COX15: variants seen among roughly 807,000 people sequenced by gnomAD.
The protein encoded by COX15 is cytochrome c oxidase assembly factor COX15.
COX15 carries 51 observed loss-of-function variants against 51.9 expected under a neutral mutation model. The observed-to-expected ratio is 0.98, with a 90% CI of 0.78 to 1.24. The LOEUF is 1.24. Ranked by LOEUF, COX15 falls within the 50% of genes most tolerant of loss-of-function variation. COX15 has a pLI of 0.00. For synonymous variants in COX15, 188 were observed against 190.5 expected (o/e 0.99, Z 0.11); for missense variants, 420 against 501.1 (o/e 0.84, Z 1.55).
chr10:99,724,953 C>T (rs549360479), intron 4 of COX15, among the ~76,000 whole-genome samples: 4 of 152,304 alleles, frequency 2.6e-5, no homozygotes, highest in African/African-American at 4.8e-5. Context: ...AGCAAAACCA[C>T]AGTTTATGGG....
At chr10:99,724,188 TTTG>T (rs1417717009) in intron 4 of COX15, 65 bp from the exon 5 acceptor site, 6 of 1,594,466 alleles carry the variant, frequency 3.8e-6, no homozygotes, top group Admixed American at 1.7e-5. Context: ...CTTTCTTTTT[TTTG>T]TTGTTTTTTT....
the COX15 span, chr10:99,696,175 A>G: frequency 6.3e-7 from 1 of 1,588,264 alleles, no homozygotes; most frequent in Admixed American, 1.7e-5. Flanking sequence ...GGCTGCAGAT[A>G]TTAGGGAGAA....
chr10:99,709,640 A>G (rs1268698897), downstream of COX15: 20 of 985,264 alleles, frequency 2.0e-5, no homozygotes, highest in Non-Finnish European at 2.4e-5. Context: ...ACCTGGATCT[A>G]AGTTGGAAAG....
Position 99,727,568 on chromosome 10 carries a change from G to T in COX15, c.273-5C>A. 1 of 1,613,110 alleles carries T rather than the reference G, an allele frequency of 6.2e-7. No homozygotes were observed. Among genetic ancestry groups the T allele is most frequent in the East Asian group, 2.2e-5 (1 of 44,860 alleles). On this transcript the variant is annotated splice_region_variant and splice_polypyrimidine_tract_variant and intron_variant, in intron 2 of 8. Coordinates refer to ENST00000016171, the MANE Select transcript of COX15 (RefSeq NM_078470.6). ...GAGAGGCCAGACTCTGTCAACCTTA[G>T]GATAGGAAAGAAATTTTGGGGTGTA...
In COX15 at chr10:99,727,549, C is replaced by A. The variant is rs771992107; in HGVS notation, c.287G>T (p.Gly96Val). 2.3e-5 allele frequency: 37 copies of A among 1,613,636 alleles called. No homozygotes were observed. The highest frequency in any genetic ancestry group is 3.0e-5 in the Non-Finnish European group (35 of 1,180,006). ...LGGVTRLTES[G>V]LSMVDWHLIK... The stretch of plus-strand genomic sequence containing the variant: ...TAAATGCCAATCTACCATCGAGAGG[C>A]CAGACTCTGTCAACCTTAGGATAGG... The change falls in exon 3 of 9, where the codon GGC becomes GTC. Residue 96 changes from glycine to valine, a missense_variant. By Grantham distance (109) the Gly-to-Val change is moderately radical (BLOSUM62 -3). Coordinates refer to ENST00000016171, the MANE Select transcript of COX15 (RefSeq NM_078470.6).
intron 7 of COX15, 110 bp downstream of exon 7, chr10:99,718,236 A>C (rs1411137349): frequency 9.1e-6 from 10 of 1,104,372 alleles, no homozygotes; most frequent in South Asian, 1.3e-5. Flanking sequence ...AGAGCAGGAA[A>C]TATAGTTCCT....
chr10:99,704,695 G>A, the COX15 span: 1 of 1,608,272 alleles, frequency 6.2e-7, no homozygotes, highest in Non-Finnish European at 8.5e-7. Flanking sequence ...GCTGGACCAG[G>A]ACTAGAGAAG....
chr10:99,731,886 T>G, intron 1 of COX15, 74 bp downstream of exon 1: 1 of 1,540,814 alleles, frequency 6.5e-7, no homozygotes, highest in Non-Finnish European at 8.8e-7. Context: ...GATGTGGGGC[T>G]CTACATTATC....
chr10:99,712,000 A>G lies in COX15; in HGVS notation c.*2587T>C, dbSNP rs936524124. On this transcript the variant is annotated 3_prime_UTR_variant, in exon 9 of 9. Coordinates refer to ENST00000016171, the MANE Select transcript of COX15 (RefSeq NM_078470.6). ...AGTGTGTCACATGGTGAGAGAGAGC[A>G]AGCGAGAGAGGAGGAAGTTCCAGGC... is the stretch of plus-strand genomic sequence containing the variant. The G allele has an allele frequency of 2.0e-4, 59 of 295,414 alleles. No individual in the cohort carries two copies. The highest frequency in any genetic ancestry group is 1.3e-3 in the African/African-American group (57 of 44,058). The allele number at this position is 295,414 out of a possible 1,614,324, so 18.3% of individuals were successfully genotyped here. A position where few individuals can be genotyped will look rare whatever the true frequency, so the allele number is the denominator to read the frequency against.
At chr10:99,728,214 A>G (rs2037024866) in intron 2 of COX15, among the ~76,000 whole-genome samples, 1 of 152,208 alleles carries the variant, frequency 6.6e-6, no homozygotes, top group African/African-American at 2.4e-5. Context: ...ATCAAAGGTA[A>G]TTAGGGCCCT....
chr10:99,727,665 AAC>A, intron 2 of COX15, 102 bp from the exon 3 acceptor site: 1 of 1,367,020 alleles, frequency 7.3e-7, no homozygotes, highest in East Asian at 2.3e-5. Context: ...GTTAAAGGTA[AAC>A]ACATTGTTTC....
chr10:99,713,554 T>C lies in COX15; in HGVS notation c.*1033A>G. The C allele has an allele frequency of 2.6e-6, 4 of 1,553,264 alleles. No individual in the cohort carries two copies. Among genetic ancestry groups the C allele is most frequent in the Non-Finnish European group, 2.6e-6 (3 of 1,148,600 alleles). On this transcript the variant is annotated 3_prime_UTR_variant, in exon 9 of 9. Transcript: ENST00000016171. ...ATTTGTTTATCTGGGTAGATGTCCA[T>C]GCACTACACCATCAAGGCCATATTT...
chr10:99,730,787 G>C (rs1286995992), intron 1 of COX15, among the ~76,000 whole-genome samples: 1 of 152,170 alleles, frequency 6.6e-6, no homozygotes, highest in African/African-American at 2.4e-5. Context: ...GGGGCCAGGT[G>C]CAACGGCTCA....
chr10:99,698,537 G>C, the COX15 span: 429 of 1,612,510 alleles, frequency 2.7e-4, 2 homozygotes, highest in African/African-American at 5.1e-3. Flanking sequence ...GTGGCAGATT[G>C]CTTGGTCAGA....
chr10:99,704,319 T>C, the COX15 span: 2 of 863,836 alleles, frequency 2.3e-6, no homozygotes, highest in Non-Finnish European at 3.6e-6. Flanking sequence ...GCCTGCTCTG[T>C]GGAGCTGGTG....
At position 99,713,735 on chromosome 10, in the gene COX15, C is replaced by T. The variant is rs2036472882; in HGVS notation, c.*852G>A. On this transcript the variant is annotated 3_prime_UTR_variant, in exon 9 of 9. Transcript: ENST00000016171. ...CTGTAATCTCAGCACTTTGGGAAGC[C>T]GAGATGGGCGGATTACCTGAGGTCA... 2.3e-5 allele frequency: 12 copies of T among 525,168 alleles called. No individual in the cohort carries two copies. Among genetic ancestry groups the T allele is most frequent in the Middle Eastern group, 5.8e-4 (1 of 1,724 alleles). 32.5% of individuals were successfully genotyped at this position (525,168 alleles called of 1,614,324 possible).
downstream of COX15, chr10:99,710,834 C>G: frequency 1.0e-6 from 1 of 985,346 alleles, no homozygotes; most frequent in African/African-American, 1.7e-5. Flanking sequence ...ATTTGTCAGT[C>G]TAAGTTACAG....
At chr10:99,696,014 C>A in the COX15 span, 2 of 1,614,182 alleles carry the variant, frequency 1.2e-6, no homozygotes, top group South Asian at 2.2e-5. Context: ...GTGCAACACA[C>A]TGAACACGTG....
chr10:99,698,429 G>A, the COX15 span: 3 of 1,129,504 alleles, frequency 2.7e-6, no homozygotes, highest in Non-Finnish European at 3.7e-6. Flanking sequence ...GAGATATCAT[G>A]AAAACCAGTA....
Sources: gnomAD v4.1 joint callset for allele counts (sites outside exome capture counted in the v4.1 genomes callset) on GRCh38, gnomAD v4.1.1 for gene constraint, MANE v1.5 for transcripts, NCBI Gene and HGNC (gene_info 2026-07-23, HGNC 2026-07-21) for gene names.